The following ADCY1 variants were observed in gnomAD, a reference collection of about 807,000 sequenced individuals.
The protein encoded by ADCY1 is adenylate cyclase 1, also known as adenylate cyclase type 1.
A neutral mutation model predicts 105.4 loss-of-function variants in ADCY1; 28 were observed. The ratio of observed to expected loss-of-function variants is 0.27; its 90% CI spans 0.20 to 0.36. The LOEUF is 0.36. Ranked by LOEUF, ADCY1 falls within the 10% of genes least tolerant of loss-of-function variation. The pLI is 1.00. For synonymous variants in ADCY1, 655 were observed against 623.8 expected, an observed-to-expected ratio of 1.05 and a Z score of -0.75; for missense variants, 977 against 1,434.2, an observed-to-expected ratio of 0.68 and a Z score of 5.15.
intron 14 of ADCY1, among the ~76,000 whole-genome samples, chr7:45,687,120 G>C (rs1345664707): frequency 6.6e-6 from 1 of 152,184 alleles, no homozygotes; most frequent in Non-Finnish European, 1.5e-5. Flanking sequence ...CAGCAGGTGG[G>C]GGCTGGACGT....
In ADCY1 at chr7:45,677,978, T is replaced by C; in HGVS notation, c.1715T>C (p.Leu572Pro). Residue 572 changes from leucine (L) to proline (P), a missense_variant, in exon 9 of 20, where the codon CTC (leucine) becomes CCC (proline). Leu to Pro is a moderately conservative substitution (Grantham distance 98, BLOSUM62 -3). This residue lies in a region of ADCY1 where 275 missense variants were observed against 362.1 expected (regional missense o/e 0.76). Coordinates refer to ENST00000297323, the MANE Select transcript of ADCY1 (RefSeq NM_021116.4). ...GTRVNRYISR[L>P]LEARQTELEM... is the part of the protein sequence containing the mutation. ...CGCGTCAACAGGTACATCAGCCGCC[T>C]CTTAGAAGCCCGCCAGACAGAGCTG... The C allele has an allele frequency of 6.2e-7, 1 of 1,614,172 alleles. No homozygotes were observed.
rs1200344850 is a variant in ADCY1, at chr7:45,703,024, T to C, written c.2455-352T>C. Among the ~76,000 whole-genome samples the C allele has an allele frequency of 1.3e-5, 2 of 152,294 alleles. No individual in the cohort carries two copies. Among genetic ancestry groups the C allele is most frequent in the South Asian group, 2.1e-4 (1 of 4,828 alleles). On this transcript the variant is annotated intron_variant, in intron 14 of 19. Coordinates refer to ENST00000297323, the MANE Select transcript of ADCY1 (RefSeq NM_021116.4). This position sits in a 1 kb window ranked among gnomAD's most constrained non-coding sequence, Gnocchi z 5.9. Reference sequence around the variant, plus strand: ...CCTGCGGGGCACATCAGGAGCTGCCTGGGGGCTGGTGGAGCCTGTGGATGG... The same window carrying C: ...CCTGCGGGGCACATCAGGAGCTGCCCGGGGGCTGGTGGAGCCTGTGGATGG...
At chr7:45,610,982 G>GT in intron 3 of ADCY1, among the ~76,000 whole-genome samples, 5 of 754 alleles carry the variant, frequency 6.6e-3, no homozygotes, top group Middle Eastern at 0.25. Flanking sequence ...GGAGGTGGGG[G>GT]GTGATAGTGG....
At chr7:45,639,195 C>G (rs1794476261) in intron 4 of ADCY1, among the ~76,000 whole-genome samples, 1 of 152,182 alleles carries the variant, frequency 6.6e-6, no homozygotes, top group Non-Finnish European at 1.5e-5. Context: ...GTTTATTTAC[C>G]TCCTTAGCCA....
intron 8 of ADCY1, among the ~76,000 whole-genome samples, chr7:45,666,114 T>G (rs1784248147): frequency 6.6e-6 from 1 of 152,298 alleles, no homozygotes; most frequent in Middle Eastern, 3.4e-3. Context: ...GTATGCTCAA[T>G]GCAGTGTCTT....
chr7:45,635,431 A>C (rs1794374487), intron 4 of ADCY1, among the ~76,000 whole-genome samples: 2 of 151,312 alleles, frequency 1.3e-5, no homozygotes, highest in African/African-American at 2.4e-5. Context: ...TTCTTTTTGT[A>C]GTTTCTTAAG....
chr7:45,691,266 C>T (rs907606981), intron 14 of ADCY1, among the ~76,000 whole-genome samples: 5 of 152,210 alleles, frequency 3.3e-5, no homozygotes, highest in African/African-American at 1.2e-4. Context: ...GGCAAGTCTG[C>T]GGATCCTTGT....
chr7:45,610,971 T>A, intron 3 of ADCY1, among the ~76,000 whole-genome samples: 1 of 108,426 alleles, frequency 9.2e-6, no homozygotes, highest in Non-Finnish European at 1.9e-5. Context: ...GAGGTGATGG[T>A]GGAGGTGGGG....
chr7:45,699,053 G>T (rs998214963), intron 14 of ADCY1, among the ~76,000 whole-genome samples: 1 of 152,256 alleles, frequency 6.6e-6, no homozygotes, highest in East Asian at 1.9e-4. Context: ...TGGGGAGGTG[G>T]CTGGGAGCCC....
intron 3 of ADCY1, among the ~76,000 whole-genome samples, chr7:45,612,886 C>G (rs886083150): frequency 6.6e-6 from 1 of 152,102 alleles, no homozygotes; most frequent in Non-Finnish European, 1.5e-5. Flanking sequence ...ACAGAATGAA[C>G]AGACAAAAAT....
In ADCY1 at chr7:45,678,217, A is replaced by G; in HGVS notation, c.1852A>G (p.Ile618Val). The G allele has an allele frequency of 1.2e-6, 2 of 1,614,030 alleles. No individual in the cohort carries two copies. Among genetic ancestry groups the G allele is most frequent in the South Asian group, 1.1e-5 (1 of 91,074 alleles). The change falls in exon 10 of 20, where the codon ATC becomes GTC. Residue 618 changes from isoleucine to valine, a missense_variant. Around this residue, in one of 7 missense-constraint regions of ADCY1, gnomAD observed 275 missense variants for 362.1 expected, o/e 0.76. Coordinates refer to ENST00000297323, the MANE Select transcript of ADCY1 (RefSeq NM_021116.4). ...CACCAGCGCCGTTGTCCTCACCCTC[A>G]TCCTGGCTGCCTTATTTGGCCTTGT... The part of the protein sequence containing the change: ...YFTSAVVLTL[I>V]LAALFGLVYL...
intron 8 of ADCY1, among the ~76,000 whole-genome samples, chr7:45,674,555 G>A (rs762625163): frequency 2.0e-4 from 31 of 152,052 alleles, no homozygotes; most frequent in Non-Finnish European, 3.8e-4. Context: ...TGTATTTTTA[G>A]TGGAGACGGG....
At chr7:45,664,353 A>G in intron 8 of ADCY1, 3 of 1,536,122 alleles carry the variant, frequency 2.0e-6, no homozygotes, top group African/African-American at 1.4e-5. Context: ...CCCACCCTGC[A>G]ACGGGGACGA....
chr7:45,690,564 C>T (rs542270258), intron 14 of ADCY1, among the ~76,000 whole-genome samples: 3 of 152,236 alleles, frequency 2.0e-5, no homozygotes, highest in Non-Finnish European at 4.4e-5. Context: ...GGCCCAGGAC[C>T]CTGTTGGTAG....
intron 4 of ADCY1, among the ~76,000 whole-genome samples, chr7:45,630,785 T>C (rs2115969181): frequency 6.6e-6 from 1 of 152,330 alleles, no homozygotes; most frequent in Non-Finnish European, 1.5e-5. Context: ...TTTAAGATCC[T>C]TAATTTATTA....
intron 3 of ADCY1, among the ~76,000 whole-genome samples, chr7:45,613,106 T>G (rs1270274931): frequency 1.3e-5 from 2 of 152,138 alleles, no homozygotes; most frequent in Non-Finnish European, 2.9e-5. Flanking sequence ...GAGATAAATA[T>G]ACGGAAACTG....
chr7:45,620,653 A>G (rs1333524433), intron 3 of ADCY1, among the ~76,000 whole-genome samples: 1 of 152,224 alleles, frequency 6.6e-6, no homozygotes, highest in East Asian at 1.9e-4. Flanking sequence ...ACTGTCAAAA[A>G]CTAAAGATAT....
At chr7:45,641,655 G>A (rs572947713) in intron 4 of ADCY1, among the ~76,000 whole-genome samples, 16 of 152,016 alleles carry the variant, frequency 1.1e-4, no homozygotes, top group African/African-American at 1.7e-4. Flanking sequence ...GGCCGGGCGC[G>A]GTGGCTCACG....
At chr7:45,583,403 G>A (rs73694811) in intron 1 of ADCY1, among the ~76,000 whole-genome samples, 13,573 of 152,260 alleles carry the variant, frequency 0.089, 725 homozygotes, top group African/African-American at 0.14. Context: ...GCCCTGCAGA[G>A]GAGAAAGTCC....
Sources: allele counts gnomAD v4.1 joint callset (sites outside exome capture counted in the v4.1 genomes callset), GRCh38; gene constraint gnomAD v4.1.1; regional missense constraint gnomAD v4.1.1; non-coding constraint Gnocchi (gnomAD v3.1); transcripts MANE v1.5; gene names NCBI Gene and HGNC (gene_info 2026-07-23, HGNC 2026-07-21).